Variants in GHR observed in about 807,000 individuals in gnomAD.
GHR encodes growth hormone receptor.
Under a neutral mutation model 67.1 loss-of-function variants are expected in GHR, and 35 were observed. That is an observed-to-expected ratio of 0.52 (90% confidence interval 0.40 to 0.69). The LOEUF (loss-of-function observed/expected upper bound fraction) is 0.69. Ranked by LOEUF, GHR falls within the 30% of genes least tolerant of loss-of-function variation. GHR has a pLI of 0.00. For missense variants in GHR, 792 were observed against 764.6 expected (o/e 1.04, Z -0.42); for synonymous variants, 272 against 269.1 (o/e 1.01, Z -0.10).
chr5:42,637,682 A>G (rs1222675033), intron 3 of GHR, among the ~76,000 whole-genome samples: 1 of 151,934 alleles, frequency 6.6e-6, no homozygotes, highest in African/African-American at 2.4e-5. Flanking sequence ...CGTGTACCAC[A>G]TTTTCTTTAT....
intron 2 of GHR, among the ~76,000 whole-genome samples, chr5:42,592,415 C>T (rs1322044687): frequency 6.6e-6 from 1 of 152,186 alleles, no homozygotes; most frequent in African/African-American, 2.4e-5. Flanking sequence ...CACCCGCCTC[C>T]CATCCTCCAC....
At chr5:42,563,940 C>T (rs1223871310) in intron 1 of GHR, among the ~76,000 whole-genome samples, 1 of 151,946 alleles carries the variant, frequency 6.6e-6, no homozygotes, top group Non-Finnish European at 1.5e-5. Context: ...AGCCTGTTCA[C>T]CTAGGAGTAA....
chr5:42,636,154 G>A (rs1404691293), intron 3 of GHR, among the ~76,000 whole-genome samples: 2 of 138,042 alleles, frequency 1.4e-5, no homozygotes, highest in East Asian at 4.3e-4. Context: ...AGCTTGCAGT[G>A]AGCCGAGATC....
intron 1 of GHR, among the ~76,000 whole-genome samples, chr5:42,486,723 T>C (rs1468305304): frequency 6.6e-6 from 1 of 151,900 alleles, no homozygotes; most frequent in Non-Finnish European, 1.5e-5. Flanking sequence ...GGCGGGCACC[T>C]GTAGTCCCAG....
chr5:42,558,021 G>T (rs1749405508), intron 1 of GHR, among the ~76,000 whole-genome samples: 1 of 152,114 alleles, frequency 6.6e-6, no homozygotes, highest in South Asian at 2.1e-4. Context: ...CCTGAGAGAG[G>T]TATTTACATC....
At chr5:42,453,866 G>T (rs572085345) in intron 1 of GHR, among the ~76,000 whole-genome samples, 38 of 152,266 alleles carry the variant, frequency 2.5e-4, no homozygotes, top group African/African-American at 9.1e-4. Context: ...TGCCTATTGG[G>T]GTATAGGTGC....
At chr5:42,669,544 T>TG (rs1442867705) in intron 3 of GHR, among the ~76,000 whole-genome samples, 1 of 152,150 alleles carries the variant, frequency 6.6e-6, no homozygotes, top group Non-Finnish European at 1.5e-5. Context: ...CCACATTTAC[T>TG]TTTTCCTACC....
rs573231885 is a variant in GHR at position 42,451,714 on chromosome 5, A to C, written c.-12+27759A>C. On this transcript the variant is annotated intron_variant, in intron 1 of 9. Coordinates refer to ENST00000230882, the MANE Select transcript of GHR (RefSeq NM_000163.5). ...AGCAAGACTCTGTCAAAAAAAAAAA[A>C]AAAAACCTACTCCTGCTCACTTTTA... Among the ~76,000 whole-genome samples the C allele has an allele frequency of 4.0e-5, 6 of 151,878 alleles. No individual in the cohort carries two copies. The South Asian group carries it at 1.0e-3, about 26-fold the overall frequency.
chr5:42,469,920 C>T (rs1268814856), intron 1 of GHR, among the ~76,000 whole-genome samples: 8 of 151,978 alleles, frequency 5.3e-5, no homozygotes, highest in Admixed American at 2.0e-4. Flanking sequence ...TTTTGTCTTT[C>T]AGAAAGGCAT....
chr5:42,605,939 G>A (rs922836325), intron 2 of GHR, among the ~76,000 whole-genome samples: 4 of 152,232 alleles, frequency 2.6e-5, no homozygotes, highest in African/African-American at 9.6e-5. Flanking sequence ...GAGAAACTGA[G>A]AGCTGGGTGT....
At chr5:42,466,104 G>T (rs1744722118) in intron 1 of GHR, 1 of 333,068 alleles carries the variant, frequency 3.0e-6, no homozygotes, top group Admixed American at 4.6e-5. Context: ...CAAATGGAAT[G>T]CAATGGGAAT....
At chr5:42,438,907 C>T (rs987809305) in intron 1 of GHR, among the ~76,000 whole-genome samples, 6 of 152,166 alleles carry the variant, frequency 3.9e-5, no homozygotes, top group African/African-American at 1.4e-4. Flanking sequence ...TAAATATTTG[C>T]TGTTTTGACT....
At chr5:42,666,976 A>G (rs2112887359) in intron 3 of GHR, among the ~76,000 whole-genome samples, 2 of 152,294 alleles carry the variant, frequency 1.3e-5, no homozygotes, top group East Asian at 3.9e-4. Flanking sequence ...AAAGGCAACC[A>G]TGGCTATTCT....
chr5:42,455,098 G>A (rs550054485), intron 1 of GHR, among the ~76,000 whole-genome samples: 5 of 152,186 alleles, frequency 3.3e-5, no homozygotes, highest in East Asian at 1.9e-4. Flanking sequence ...TGTGTTTCAC[G>A]TGGCTCCCTA....
intron 1 of GHR, among the ~76,000 whole-genome samples, chr5:42,554,905 G>A (rs781745503): frequency 3.3e-5 from 5 of 152,068 alleles, no homozygotes; most frequent in Non-Finnish European, 7.4e-5. Flanking sequence ...CTATGTATGT[G>A]GTTGGCATTT....
At chr5:42,567,767 C>CTGTGTGTG (rs68150223) in intron 2 of GHR, among the ~76,000 whole-genome samples, 178 of 140,814 alleles carry the variant, frequency 1.3e-3, no homozygotes, top group East Asian at 2.2e-3. Context: ...ATGCTTGGCT[C>CTGTGTGTG]TGTGTGTGTG....
At chr5:42,625,042 T>G (rs1052957727) in intron 2 of GHR, among the ~76,000 whole-genome samples, 1 of 152,116 alleles carries the variant, frequency 6.6e-6, no homozygotes, top group African/African-American at 2.4e-5. Flanking sequence ...TAGATGAAGA[T>G]AATAATAAAA....
Position 42,661,359 on chromosome 5 carries a change from G to C in GHR, c.137-27531G>C, listed in dbSNP as rs550577661. Among the ~76,000 whole-genome samples the C allele has an allele frequency of 2.0e-5, 3 of 152,302 alleles. No individual in the cohort carries two copies. The East Asian group carries it at 5.8e-4, about 29-fold the overall frequency. On this transcript the variant is annotated intron_variant, in intron 3 of 9. Coordinates refer to ENST00000230882, the MANE Select transcript of GHR (RefSeq NM_000163.5). ...ATGTTCAGGGCAGCCAGAGAGAAAG[G>C]TCGGGTTACCCAGAAAGGGAAGCCC...
At chr5:42,489,044 C>A (rs1265494698) in intron 1 of GHR, among the ~76,000 whole-genome samples, 3 of 152,112 alleles carry the variant, frequency 2.0e-5, no homozygotes, top group African/African-American at 4.8e-5. Flanking sequence ...TTTCCTATTC[C>A]TTCCATTCTT....
Sources: allele counts gnomAD v4.1 joint callset (sites outside exome capture counted in the v4.1 genomes callset), GRCh38; gene constraint gnomAD v4.1.1; transcripts MANE v1.5; gene names NCBI Gene and HGNC (gene_info 2026-07-23, HGNC 2026-07-21).